Variants in POLR2D observed in about 807,000 individuals in gnomAD.
POLR2D encodes RNA polymerase II subunit D, also known as DNA-directed RNA polymerase II subunit RPB4.
POLR2D carries 10 observed loss-of-function variants against 17.6 expected under a neutral mutation model. The observed-to-expected ratio is 0.57, with a 90% CI of 0.35 to 0.96. The LOEUF is 0.96. POLR2D is among the 40% of genes least tolerant of loss of function. POLR2D has a pLI of 0.02. For missense variants in POLR2D, 126 were observed against 176.4 expected (o/e 0.71, Z 1.62); for synonymous variants, 52 against 60.2 (o/e 0.86, Z 0.63).
chr2:127,855,456 G>T (rs1471304374), intron 1 of POLR2D, among the ~76,000 whole-genome samples: 5 of 146,298 alleles, frequency 3.4e-5, no homozygotes, highest in East Asian at 2.1e-4. Flanking sequence ...CAAATTACTT[G>T]TTAAATGGAA....
At chr2:127,849,375 T>A (rs1690209341) in intron 3 of POLR2D, among the ~76,000 whole-genome samples, 1 of 152,112 alleles carries the variant, frequency 6.6e-6, no homozygotes, top group Admixed American at 6.6e-5. Context: ...AGTGGATGGC[T>A]GTGTATACTC....
At chr2:127,855,346 T>C (rs1690310425) in intron 1 of POLR2D, among the ~76,000 whole-genome samples, 2 of 147,214 alleles carry the variant, frequency 1.4e-5, no homozygotes, top group South Asian at 2.2e-4. Flanking sequence ...TGAGCCGAGA[T>C]TGTGCCACTG....
intron 1 of POLR2D, chr2:127,857,190 T>C (rs1690350539): frequency 6.6e-6 from 1 of 151,756 alleles, no homozygotes; most frequent in Admixed American, 6.6e-5. Context: ...GGGGCGTGCA[T>C]CTGTGGTCTC....
chr2:127,850,466 G>T, intron 3 of POLR2D, 124 bp downstream of exon 3: 1 of 321,356 alleles, frequency 3.1e-6, no homozygotes, highest in East Asian at 4.8e-5. Flanking sequence ...AAAAAAAAAG[G>T]CACTTTCATT....
intron 2 of POLR2D, 29 bp from the exon 3 acceptor site, chr2:127,850,714 A>C: frequency 1.8e-6 from 2 of 1,095,712 alleles, no homozygotes; most frequent in Non-Finnish European, 2.7e-6. Context: ...AAAAAATCAA[A>C]ATAATCAAAA....
chr2:127,853,120 C>A lies in POLR2D; in HGVS notation c.74-15G>T. 1 of 1,594,432 alleles carries A rather than the reference C, an allele frequency of 6.3e-7. No individual in the cohort carries two copies. The highest frequency in any genetic ancestry group is 1.4e-5 in the African/African-American group (1 of 74,040). Reference sequence around the variant, plus strand: ...TGTTTCAAACTCTATTTGTAAGAAGCATAAATGGCAGCTGAAAATACTCCT... The same window carrying A: ...TGTTTCAAACTCTATTTGTAAGAAGAATAAATGGCAGCTGAAAATACTCCT... On this transcript the variant is annotated splice_polypyrimidine_tract_variant and intron_variant, in intron 1 of 3. Coordinates refer to ENST00000272645, the MANE Select transcript of POLR2D (RefSeq NM_004805.4).
rs953001977 is a variant in POLR2D at position 127,844,093 on chromosome 2, G to A, written c.*4014C>T. The stretch of plus-strand genomic sequence containing the variant: ...CACTCCAGCCTGGGCGACAGAGCAA[G>A]ATCCTGCTGTATCCAAAAAAAAAAA... On this transcript the variant is annotated 3_prime_UTR_variant, in exon 4 of 4. Coordinates refer to ENST00000272645, the MANE Select transcript of POLR2D (RefSeq NM_004805.4). The A allele has an allele frequency of 7.1e-5, 7 of 98,380 alleles. No individual in the cohort carries two copies. Among genetic ancestry groups the A allele is most frequent in the Non-Finnish European group, 1.9e-5 (1 of 52,694 alleles). The allele number at this position is 98,380 out of a possible 1,614,324, so 6.1% of individuals were successfully genotyped here.
rs552289031 is a variant in POLR2D at position 127,847,969 on chromosome 2, C to T, written c.*138G>A. The T allele has an allele frequency of 2.0e-5, 14 of 712,612 alleles. No individual in the cohort carries two copies. The highest frequency in any genetic ancestry group is 8.8e-5 in the African/African-American group (5 of 57,052). The allele number at this position is 712,612 out of a possible 1,614,324, so 44.1% of individuals were successfully genotyped here. A position where few individuals can be genotyped will look rare whatever the true frequency, so the allele number is the denominator to read the frequency against. On this transcript the variant is annotated 3_prime_UTR_variant, in exon 4 of 4. Transcript: ENST00000272645. ...TATTTGAAACAGCAACCTAACCCCA[C>T]GCCAAGCTGGGCTGTTTTCTCCAAA...
Position 127,858,144 on chromosome 2 carries a change from G to A in POLR2D, c.-44C>T, listed in dbSNP as rs757886753. 6.5e-6 allele frequency: 9 copies of A among 1,381,526 alleles called. No homozygotes were observed. The highest frequency in any genetic ancestry group is 8.5e-6 in the Non-Finnish European group (9 of 1,059,010). The allele number at this position is 1,381,526 out of a possible 1,614,324, so 85.6% of individuals were successfully genotyped here. A position where few individuals can be genotyped will look rare whatever the true frequency, so the allele number is the denominator to read the frequency against. On this transcript the variant is annotated 5_prime_UTR_variant, in exon 1 of 4. Transcript: ENST00000272645. ...GCCACCACCAGCGCCGCCGGAAGCA[G>A]AAGCGCGGAGCAACGGCCGCGGAAG...
chr2:127,850,676 G>T lies in POLR2D; in HGVS notation c.264C>A (p.Leu88=). The T allele has an allele frequency of 6.5e-7, 1 of 1,530,100 alleles. No homozygotes were observed. The highest frequency in any genetic ancestry group is 8.9e-7 in the Non-Finnish European group (1 of 1,123,336). The allele number at this position is 1,530,100 out of a possible 1,614,324, so 94.8% of individuals were successfully genotyped here. The change falls in exon 3 of 4, where the codon CTC becomes CTA. Residue 88 remains leucine, a synonymous_variant. Transcript: ENST00000272645. The part of the protein sequence containing the change: ...ETIASVRSLL[L]QKKLHKFELA... ...ACTCAAACTTATGAAGCTTTTTCTG[G>T]AGTAGCAAGCTAATCAAAAGGAAAA...
chr2:127,846,674 T>C lies in POLR2D; in HGVS notation c.*1433A>G, dbSNP rs1175990527. Reference sequence around the variant, plus strand: ...AAAAAAAAAATTTTTTTAAGTAGAATTGCAATTTTATTTTTCTCCAGAGAA... The same window carrying C: ...AAAAAAAAAATTTTTTTAAGTAGAACTGCAATTTTATTTTTCTCCAGAGAA... On this transcript the variant is annotated 3_prime_UTR_variant, in exon 4 of 4. Transcript: ENST00000272645. 1.3e-5 allele frequency: 2 copies of C among 152,472 alleles called. No homozygotes were observed. Among genetic ancestry groups the C allele is most frequent in the Non-Finnish European group, 2.9e-5 (2 of 68,032 alleles). 9.4% of individuals were successfully genotyped at this position (152,472 alleles called of 1,614,324 possible). A position where few individuals can be genotyped will look rare whatever the true frequency, so the allele number is the denominator to read the frequency against.
chr2:127,857,794 T>C, intron 1 of POLR2D: 1 of 1,303,942 alleles, frequency 7.7e-7, no homozygotes, highest in South Asian at 2.2e-5. Flanking sequence ...TGTTTATCTT[T>C]GACACAGGTC....
rs1467341751 is a variant in POLR2D, at chr2:127,847,485, A to T, written c.*622T>A. 6.5e-6 allele frequency: 1 copy of T among 153,194 alleles called. No homozygotes were observed. Among genetic ancestry groups the T allele is most frequent in the Non-Finnish European group, 1.5e-5 (1 of 68,882 alleles). 9.5% of individuals were successfully genotyped at this position (153,194 alleles called of 1,614,324 possible). A position where few individuals can be genotyped will look rare whatever the true frequency, so the allele number is the denominator to read the frequency against. ...ATAGTAAAACCCCACCTCTATAAAA[A>T]ATTTTAAAAATTAGCTGAGAGTTGT... On this transcript the variant is annotated 3_prime_UTR_variant, in exon 4 of 4. Coordinates refer to ENST00000272645, the MANE Select transcript of POLR2D (RefSeq NM_004805.4).
Position 127,855,852 on chromosome 2 carries a change from CA to C in POLR2D, c.73+2175del, listed in dbSNP as rs368123116. 4.1e-3 allele frequency among the ~76,000 whole-genome samples: 620 copies of C among 152,304 alleles called. 1 individual carries two copies. The highest frequency in any genetic ancestry group is 7.9e-3 in the African/African-American group (327 of 41,566). Reference sequence around the variant, plus strand: ...TATTTAGAAACAAAAGGAAATAGATCAGGGGATCTGCCTGTTATTTTCTCTT... The same window carrying C: ...TATTTAGAAACAAAAGGAAATAGATCGGGGATCTGCCTGTTATTTTCTCTT... On this transcript the variant is annotated intron_variant, in intron 1 of 3. Transcript: ENST00000272645.
In POLR2D at chr2:127,845,534, C is replaced by T. The variant is rs1385964120; in HGVS notation, c.*2573G>A. 2 of 152,040 alleles carry T rather than the reference C, an allele frequency of 1.3e-5. No individual in the cohort carries two copies. The highest frequency in any genetic ancestry group is 2.1e-4 in the South Asian group (1 of 4,820). 9.4% of individuals were successfully genotyped at this position (152,040 alleles called of 1,614,324 possible). ...GAGATTACAGGCATGCGCCACCACG[C>T]CCCGCTAATTTTGTATTTTAAGTAG... On this transcript the variant is annotated 3_prime_UTR_variant, in exon 4 of 4. Transcript: ENST00000272645.
At chr2:127,851,548 C>T (rs888757554) in intron 2 of POLR2D, among the ~76,000 whole-genome samples, 2 of 152,148 alleles carry the variant, frequency 1.3e-5, no homozygotes, top group Middle Eastern at 3.2e-3. Flanking sequence ...CGTCTTCAGC[C>T]TGGGCAACAC....
chr2:127,850,730 T>C, intron 2 of POLR2D, 45 bp from the exon 3 acceptor site: 1 of 934,978 alleles, frequency 1.1e-6, no homozygotes, highest in Non-Finnish European at 1.7e-6. Flanking sequence ...CAAAAACAAA[T>C]AAACAACAAA....
chr2:127,845,365 C>T lies in POLR2D; in HGVS notation c.*2742G>A, dbSNP rs1477797917. Reference sequence around the variant, plus strand: ...AAAGTTAACTGTAGATTTGGGTAAGCAATTTCACTTTTTTTTTTTTTTTTT... The same window carrying T: ...AAAGTTAACTGTAGATTTGGGTAAGTAATTTCACTTTTTTTTTTTTTTTTT... On this transcript the variant is annotated 3_prime_UTR_variant, in exon 4 of 4. Coordinates refer to ENST00000272645, the MANE Select transcript of POLR2D (RefSeq NM_004805.4). 1.4e-5 allele frequency: 2 copies of T among 138,846 alleles called. No individual in the cohort carries two copies. Among genetic ancestry groups the T allele is most frequent in the African/African-American group, 5.8e-5 (2 of 34,576 alleles). The allele number at this position is 138,846 out of a possible 1,614,324, so 8.6% of individuals were successfully genotyped here.
rs7601795 is a variant in POLR2D at position 127,852,026 on chromosome 2, A to T, written c.254+899T>A. Reference sequence around the variant, plus strand: ...CTGGTCTTGAACTCCTGACCGCAAGAGATGTGCCCATCTTGGTCTCCCAAA... The same window carrying T: ...CTGGTCTTGAACTCCTGACCGCAAGTGATGTGCCCATCTTGGTCTCCCAAA... On this transcript the variant is annotated intron_variant, in intron 2 of 3. Coordinates refer to ENST00000272645, the MANE Select transcript of POLR2D (RefSeq NM_004805.4). The surrounding 1 kb of genome is among the most constrained non-coding windows in gnomAD (Gnocchi z 4.0). 0.54 allele frequency among the ~76,000 whole-genome samples: 82,517 copies of T among 151,886 alleles called. 23,009 individuals carry two copies. Among genetic ancestry groups the T allele is most frequent in the South Asian group, 0.72 (3,463 of 4,818 alleles).
Sources: gnomAD v4.1 joint callset for allele counts (sites outside exome capture counted in the v4.1 genomes callset) on GRCh38, gnomAD v4.1.1 for gene constraint, Gnocchi (gnomAD v3.1) non-coding constraint, MANE v1.5 for transcripts, NCBI Gene and HGNC (gene_info 2026-07-23, HGNC 2026-07-21) for gene names.